COBL: variants seen among roughly 807,000 people sequenced by gnomAD.
COBL encodes cordon-bleu WH2 repeat protein, also known as protein cordon-bleu.
COBL carries 51 observed loss-of-function variants against 98.8 expected under a neutral mutation model. The observed-to-expected ratio is 0.52, with a 90% CI of 0.41 to 0.65. COBL has a LOEUF of 0.65. Among genes scored for constraint, COBL ranks in the 30% least tolerant of loss-of-function variants. COBL has a pLI of 0.00. For missense variants in COBL, 1,617 were observed against 1,617.5 expected (o/e 1.00, Z 0.01); for synonymous variants, 634 against 651.7 (o/e 0.97, Z 0.41).
intron 6 of COBL, among the ~76,000 whole-genome samples, chr7:51,108,281 T>C (rs1321857070): frequency 1.3e-5 from 2 of 151,326 alleles, no homozygotes; most frequent in African/African-American, 4.9e-5. Context: ...TATCATGATA[T>C]CTGGCTTCTT....
chr7:51,267,354 G>A (rs1003940917), intron 1 of COBL, among the ~76,000 whole-genome samples: 2 of 152,040 alleles, frequency 1.3e-5, no homozygotes, highest in Admixed American at 6.6e-5. Flanking sequence ...CAAAACCAGC[G>A]CAGGACCTGA....
chr7:51,287,941 C>A (rs931194066), intron 1 of COBL, among the ~76,000 whole-genome samples: 1 of 152,108 alleles, frequency 6.6e-6, no homozygotes, highest in African/African-American at 2.4e-5. Flanking sequence ...CCCTACAATT[C>A]CATTTATAGG....
intron 6 of COBL, among the ~76,000 whole-genome samples, chr7:51,098,970 A>C (rs934204677): frequency 3.9e-5 from 6 of 152,194 alleles, no homozygotes; most frequent in Non-Finnish European, 8.8e-5. Flanking sequence ...CGTTTCTCCA[A>C]GGAAGATATA....
At chr7:51,149,835 G>A in intron 5 of COBL, among the ~76,000 whole-genome samples, 1 of 152,136 alleles carries the variant, frequency 6.6e-6, no homozygotes, top group Non-Finnish European at 1.5e-5. Context: ...TTGTTGGCCA[G>A]GCTGGTCTTG....
At chr7:51,088,735 T>C (rs1794522705) in intron 6 of COBL, among the ~76,000 whole-genome samples, 5 of 152,228 alleles carry the variant, frequency 3.3e-5, no homozygotes, top group African/African-American at 7.2e-5. Flanking sequence ...AGTGGGGATC[T>C]GGGCAGAAAT....
At chr7:51,216,471 A>G (rs958663876) in intron 2 of COBL, among the ~76,000 whole-genome samples, 3 of 152,176 alleles carry the variant, frequency 2.0e-5, no homozygotes, top group African/African-American at 4.8e-5. Flanking sequence ...GCACCTGACC[A>G]AAAGATCTTC....
intron 12 of COBL, among the ~76,000 whole-genome samples, chr7:51,024,076 G>A (rs1349468149): frequency 1.3e-5 from 2 of 152,116 alleles, no homozygotes; most frequent in Admixed American, 1.3e-4. Flanking sequence ...TTGGGAGGCC[G>A]AGACAGGCGG....
At chr7:51,024,651 G>A (rs535211465) in intron 12 of COBL, among the ~76,000 whole-genome samples, 1 of 93,530 alleles carries the variant, frequency 1.1e-5, no homozygotes, top group Non-Finnish European at 2.0e-5. Flanking sequence ...AAGCATGTAC[G>A]AGTGAATGAA....
chr7:51,074,078 T>C lies in COBL; in HGVS notation c.1096+11088A>G, dbSNP rs1463616779. On this transcript the variant is annotated intron_variant, in intron 7 of 12. Coordinates refer to ENST00000265136, the MANE Select transcript of COBL (RefSeq NM_015198.5). The stretch of plus-strand genomic sequence containing the variant: ...AAAATAAAGAAGGGCCATGCCTGAG[T>C]GCACATCAGCACCCAAAACCTCCTG... Among the ~76,000 whole-genome samples the C allele has an allele frequency of 2.0e-5, 3 of 152,000 alleles. No homozygotes were observed. In the South Asian group the frequency reaches 6.2e-4, roughly 32 times the overall value.
chr7:51,135,715 C>T (rs960749057), intron 6 of COBL, among the ~76,000 whole-genome samples: 34 of 152,256 alleles, frequency 2.2e-4, no homozygotes, highest in African/African-American at 6.0e-4. Flanking sequence ...ATGACACATG[C>T]GGCAAGAGTT....
At chr7:51,077,268 A>G (rs907144333) in intron 7 of COBL, among the ~76,000 whole-genome samples, 1 of 152,230 alleles carries the variant, frequency 6.6e-6, no homozygotes, top group African/African-American at 2.4e-5. Flanking sequence ...CCAGTCTTCC[A>G]TTGTTCTTAA....
intron 1 of COBL, among the ~76,000 whole-genome samples, chr7:51,283,619 G>A (rs551237452): frequency 1.3e-5 from 2 of 152,102 alleles, no homozygotes; most frequent in Admixed American, 1.3e-4. Flanking sequence ...TGAGTAGCTG[G>A]GATTACATGT....
chr7:51,032,999 G>A (rs1353898295), intron 8 of COBL: 1 of 152,032 alleles, frequency 6.6e-6, no homozygotes, highest in African/African-American at 2.4e-5. Context: ...CAAAGTATTT[G>A]CCTTTATTTT....
intron 5 of COBL, among the ~76,000 whole-genome samples, chr7:51,142,925 T>C (rs1207424983): frequency 6.6e-6 from 1 of 151,950 alleles, no homozygotes; most frequent in Non-Finnish European, 1.5e-5. Context: ...CAGGATCCTG[T>C]GACAGTGGCC....
intron 8 of COBL, chr7:51,033,955 A>C (rs920672387): frequency 6.6e-6 from 1 of 152,374 alleles, no homozygotes; most frequent in Non-Finnish European, 1.5e-5. Context: ...TAGAAACAGC[A>C]GGAGCCCAGC....
At chr7:51,148,253 G>T (rs1170785188) in intron 5 of COBL, among the ~76,000 whole-genome samples, 1 of 152,120 alleles carries the variant, frequency 6.6e-6, no homozygotes, top group Non-Finnish European at 1.5e-5. Context: ...GTGACTGGGG[G>T]GTGGGCTACA....
At chr7:51,089,145 G>A (rs749617664) in intron 6 of COBL, among the ~76,000 whole-genome samples, 2 of 152,122 alleles carry the variant, frequency 1.3e-5, no homozygotes, top group Non-Finnish European at 1.5e-5. Context: ...AGGATCTGGC[G>A]TCTTCTGCTG....
chr7:51,061,946 T>C (rs934855156), intron 7 of COBL, among the ~76,000 whole-genome samples: 55 of 96,126 alleles, frequency 5.7e-4, no homozygotes, highest in Admixed American at 8.6e-4. Flanking sequence ...CTCCCCACCA[T>C]AGATACACAC....
intron 6 of COBL, among the ~76,000 whole-genome samples, chr7:51,087,537 C>T (rs942369531): frequency 2.6e-4 from 40 of 152,010 alleles, no homozygotes; most frequent in Admixed American, 2.5e-3. Flanking sequence ...CTCACTCTGT[C>T]GCCCAGGCTG....
Sources: allele counts gnomAD v4.1 joint callset (sites outside exome capture counted in the v4.1 genomes callset), GRCh38; gene constraint gnomAD v4.1.1; transcripts MANE v1.5; gene names NCBI Gene and HGNC (gene_info 2026-07-23, HGNC 2026-07-21).